The following PCDH11X variants were observed in gnomAD, a reference collection of about 807,000 sequenced individuals.
PCDH11X encodes the protein protocadherin 11 X-linked.
PCDH11X carries 18 observed loss-of-function variants against 53.3 expected under a neutral mutation model. That is an observed-to-expected ratio of 0.34 (90% CI 0.23 to 0.50). The LOEUF is 0.50. Among genes scored for constraint, PCDH11X ranks in the 20% least tolerant of loss-of-function variants. The probability of loss-of-function intolerance (pLI) is 0.98; values close to 1 mark genes in which losing one functional copy is unlikely to be tolerated. For missense variants in PCDH11X, 570 were observed against 1,032.4 expected (o/e 0.55, Z 6.14); for synonymous variants, 279 against 393.3 (o/e 0.71, Z 3.44).
Position 92,170,175 on chromosome X carries a change from A to T in PCDH11X, c.3034-31200A>T, listed in dbSNP as rs192287860. ...AATTTGAACTGAAAGTTGTATTTTTAATCTGAGAATCCCAAGGAACTCAGG... is the reference window on the plus strand; with the variant it reads ...AATTTGAACTGAAAGTTGTATTTTTTATCTGAGAATCCCAAGGAACTCAGG... On this transcript the variant is annotated intron_variant, in intron 6 of 10. Coordinates refer to ENST00000682573, the MANE Select transcript of PCDH11X (RefSeq NM_032968.5). 8.5e-3 allele frequency among the ~76,000 whole-genome samples: 945 copies of T among 111,437 alleles called. 12 individuals are homozygous for T. Among genetic ancestry groups the T allele is most frequent in the African/African-American group, 0.029 (902 of 30,715 alleles).
chrX:91,827,614 GT>G (rs1936965917), intron 4 of PCDH11X, among the ~76,000 whole-genome samples: 1 of 108,599 alleles, frequency 9.2e-6, no homozygotes, highest in African/African-American at 3.3e-5. Flanking sequence ...TTCATTTTGA[GT>G]TGACTTTTGT....
chrX:91,839,221 G>A (rs1253982716), intron 5 of PCDH11X, among the ~76,000 whole-genome samples: 1 of 109,934 alleles, frequency 9.1e-6, no homozygotes, highest in African/African-American at 3.3e-5. Flanking sequence ...GAACCAGAGT[G>A]CAGTTCCTGA....
At chrX:92,329,512 AG>A (rs747068893) in intron 8 of PCDH11X, among the ~76,000 whole-genome samples, 7 of 111,923 alleles carry the variant, frequency 6.3e-5, no homozygotes, top group African/African-American at 2.3e-4. Flanking sequence ...TACATCAAAA[AG>A]ATGTCTGTAC....
chrX:92,416,072 G>T (rs1487707229), intron 9 of PCDH11X, among the ~76,000 whole-genome samples: 1 of 110,984 alleles, frequency 9.0e-6, no homozygotes, highest in African/African-American at 3.3e-5. Flanking sequence ...GTATATATGT[G>T]TGTGTGTTTG....
intron 6 of PCDH11X, among the ~76,000 whole-genome samples, chrX:92,154,319 G>GA (rs948213700): frequency 5.4e-5 from 6 of 110,737 alleles, no homozygotes; most frequent in African/African-American, 2.0e-4. Flanking sequence ...ATGCCATTAA[G>GA]AAAAAATCAC....
intron 6 of PCDH11X, among the ~76,000 whole-genome samples, chrX:91,962,085 C>A (rs1299345975): frequency 2.9e-5 from 3 of 104,180 alleles, no homozygotes; most frequent in Non-Finnish European, 5.9e-5. Flanking sequence ...GTCATTCCAC[C>A]CCGGCCCCTT....
At chrX:92,276,420 T>C (rs773365282) in intron 8 of PCDH11X, among the ~76,000 whole-genome samples, 4 of 109,747 alleles carry the variant, frequency 3.6e-5, no homozygotes, top group Non-Finnish European at 7.6e-5. Context: ...AGTTGAACAG[T>C]CCGATTTCCA....
intron 1 of PCDH11X, among the ~76,000 whole-genome samples, chrX:91,791,868 T>A: frequency 1.0e-5 from 1 of 97,843 alleles, no homozygotes; most frequent in African/African-American, 3.9e-5. Context: ...TTTTTTTTTT[T>A]TTTTTTTTTT....
At chrX:92,386,664 C>G (rs4255310) in intron 8 of PCDH11X, among the ~76,000 whole-genome samples, 1,423 of 108,894 alleles carry the variant, frequency 0.013, 24 homozygotes, top group African/African-American at 0.045. Flanking sequence ...TCTTCATGTA[C>G]ATATCCGGCA....
chrX:92,097,606 C>A (rs2064162995), intron 6 of PCDH11X, among the ~76,000 whole-genome samples: 2 of 110,255 alleles, frequency 1.8e-5, no homozygotes, highest in African/African-American at 6.6e-5. Context: ...TCAGTTAATA[C>A]TTAAAGCTAT....
At chrX:91,954,069 T>C (rs1004305056) in intron 6 of PCDH11X, among the ~76,000 whole-genome samples, 189 of 110,218 alleles carry the variant, frequency 1.7e-3, no homozygotes, top group Non-Finnish European at 1.9e-3. Context: ...ATCACCTAGG[T>C]ATTAATCCCA....
intron 8 of PCDH11X, among the ~76,000 whole-genome samples, chrX:92,382,838 C>T (rs2070909891): frequency 9.6e-6 from 1 of 104,282 alleles, no homozygotes; most frequent in Non-Finnish European, 2.0e-5. Flanking sequence ...TGTGTCACAA[C>T]TTCTCTGCAG....
At chrX:92,442,525 G>T (rs759638321) in intron 9 of PCDH11X, among the ~76,000 whole-genome samples, 2 of 111,812 alleles carry the variant, frequency 1.8e-5, no homozygotes, top group Admixed American at 1.9e-4. Context: ...TGCCATCCAC[G>T]TAAGATGTGA....
At chrX:92,039,326 C>T (rs879240925) in intron 6 of PCDH11X, among the ~76,000 whole-genome samples, 2 of 112,455 alleles carry the variant, frequency 1.8e-5, no homozygotes, top group East Asian at 2.8e-4. Context: ...GGCCCTGTGC[C>T]GGTCCAGAGA....
chrX:91,899,495 T>C (rs1376184009), intron 6 of PCDH11X, among the ~76,000 whole-genome samples: 1 of 110,564 alleles, frequency 9.0e-6, no homozygotes, highest in Non-Finnish European at 1.9e-5. Flanking sequence ...CTTTGCAAAC[T>C]TCAATCCAAT....
At chrX:92,252,665 AT>A (rs951610187) in intron 7 of PCDH11X, among the ~76,000 whole-genome samples, 218 of 108,779 alleles carry the variant, frequency 2.0e-3, no homozygotes, top group Middle Eastern at 4.8e-3. Context: ...TTTAGGAATG[AT>A]TTTTTTTTTA....
intron 6 of PCDH11X, among the ~76,000 whole-genome samples, chrX:91,918,953 T>C (rs1296702493): frequency 9.0e-6 from 1 of 111,379 alleles, no homozygotes; most frequent in Non-Finnish European, 1.9e-5. Context: ...GTACTTTTCC[T>C]TGGGCAGTCT....
intron 4 of PCDH11X, chrX:91,835,057 A>G (rs1937244948): frequency 9.6e-6 from 7 of 732,657 alleles, no homozygotes; most frequent in Non-Finnish European, 9.9e-6. Context: ...TTTTAAACCC[A>G]TATTATAACA....
intron 7 of PCDH11X, among the ~76,000 whole-genome samples, chrX:92,240,090 A>G (rs2067238126): frequency 5.4e-5 from 6 of 112,094 alleles, no homozygotes; most frequent in Admixed American, 4.8e-4. Flanking sequence ...CAAGCACAGC[A>G]TAACTGGATT....
Sources: allele counts gnomAD v4.1 joint callset (sites outside exome capture counted in the v4.1 genomes callset), GRCh38; gene constraint gnomAD v4.1.1; transcripts MANE v1.5; gene names NCBI Gene and HGNC (gene_info 2026-07-23, HGNC 2026-07-21).